The following PLCB1 variants were observed in gnomAD, a reference collection of about 807,000 sequenced individuals.
The protein encoded by PLCB1 is 1-phosphatidylinositol 4,5-bisphosphate phosphodiesterase beta-1.
Under a neutral mutation model 161.8 loss-of-function variants are expected in PLCB1, and 46 were observed. The observed-to-expected ratio is 0.28, with a 90% CI of 0.22 to 0.36. PLCB1 has a LOEUF of 0.36. PLCB1 is among the 10% of genes least tolerant of loss of function. PLCB1 has a pLI of 1.00. For synonymous variants in PLCB1, 517 were observed against 503.7 expected, an observed-to-expected ratio of 1.03 and a Z score of -0.35; for missense variants, 1,016 against 1,472.5, an observed-to-expected ratio of 0.69 and a Z score of 5.07.
intron 31 of PLCB1, among the ~76,000 whole-genome samples, chr20:8,869,995 G>A (rs1987558134): frequency 6.6e-6 from 1 of 152,224 alleles, no homozygotes; most frequent in African/African-American, 2.4e-5. Context: ...CTAAGTAAGG[G>A]CTTTTTTAAG....
chr20:8,423,416 AG>A (rs915389359), intron 3 of PLCB1, among the ~76,000 whole-genome samples: 2 of 152,164 alleles, frequency 1.3e-5, no homozygotes, highest in Non-Finnish European at 2.9e-5. Flanking sequence ...CTGTGTGCTG[AG>A]TGGTACGTAA....
chr20:8,439,629 A>G (rs1237617770), intron 3 of PLCB1, among the ~76,000 whole-genome samples: 1 of 152,194 alleles, frequency 6.6e-6, no homozygotes, highest in Non-Finnish European at 1.5e-5. Flanking sequence ...AGATATTTAG[A>G]TAGATTATAC....
At chr20:8,605,407 A>T (rs1187700710) in intron 3 of PLCB1, among the ~76,000 whole-genome samples, 2 of 152,084 alleles carry the variant, frequency 1.3e-5, no homozygotes, top group African/African-American at 4.8e-5. Flanking sequence ...CCCTTAATTG[A>T]ACACACTTAA....
intron 2 of PLCB1, among the ~76,000 whole-genome samples, chr20:8,325,960 A>G (rs1600316694): frequency 1.3e-5 from 2 of 152,334 alleles, no homozygotes; most frequent in South Asian, 4.2e-4. Flanking sequence ...GTTTCCAGGG[A>G]ACAAAACATT....
At chr20:8,479,999 G>A (rs538992144) in intron 3 of PLCB1, among the ~76,000 whole-genome samples, 3 of 152,088 alleles carry the variant, frequency 2.0e-5, no homozygotes, top group African/African-American at 4.8e-5. Flanking sequence ...TCTAGGTATC[G>A]GTTTCTAAAG....
At chr20:8,325,456 T>A (rs1460108971) in intron 2 of PLCB1, among the ~76,000 whole-genome samples, 1 of 152,190 alleles carries the variant, frequency 6.6e-6, no homozygotes, top group Non-Finnish European at 1.5e-5. Context: ...CCTACTATGA[T>A]GGGAATCCTC....
chr20:8,341,445 C>T (rs1473145691), intron 2 of PLCB1, among the ~76,000 whole-genome samples: 1 of 152,154 alleles, frequency 6.6e-6, no homozygotes, highest in Non-Finnish European at 1.5e-5. Flanking sequence ...CTTTATATGC[C>T]TGATGGGCCT....
At chr20:8,660,159 T>A (rs1207206021) in intron 9 of PLCB1, among the ~76,000 whole-genome samples, 1 of 152,106 alleles carries the variant, frequency 6.6e-6, no homozygotes, top group African/African-American at 2.4e-5. Context: ...TTTTCACTGA[T>A]GCTGTGAAGG....
rs3031852 is a variant in PLCB1, at chr20:8,417,073, A to ATT, written c.246+45653_246+45654dup. Among the ~76,000 whole-genome samples, 41 of 39,882 alleles carry ATT rather than the reference A, an allele frequency of 1.0e-3. 2 individuals carry two copies. The highest frequency in any genetic ancestry group is 1.2e-3 in the Non-Finnish European group (29 of 23,950). 26.2% of individuals were successfully genotyped at this position (39,882 alleles called of 152,430 possible). Reference sequence around the variant, plus strand: ...CACACACATATATATATATATATATATTTTTTTTTTTTTTTTTTTTTTTTT... The same window carrying ATT: ...CACACACATATATATATATATATATATTTTTTTTTTTTTTTTTTTTTTTTTTT... On this transcript the variant is annotated intron_variant, in intron 3 of 31. Transcript: ENST00000338037.
chr20:8,427,414 A>T (rs1194884357), intron 3 of PLCB1, among the ~76,000 whole-genome samples: 2 of 152,190 alleles, frequency 1.3e-5, no homozygotes, highest in Admixed American at 1.3e-4. Flanking sequence ...AGTGAGTTAA[A>T]AATACAGACA....
intron 3 of PLCB1, among the ~76,000 whole-genome samples, chr20:8,570,747 G>C (rs1986481958): frequency 6.6e-6 from 1 of 152,184 alleles, no homozygotes; most frequent in African/African-American, 2.4e-5. Context: ...ATGAGTTCAT[G>C]ATCAGGAAAA....
rs558931701 is a variant in PLCB1, at chr20:8,202,328, C to T, written c.177+51957C>T. ...TGGCTTCAAGTGATCCGCTTACCTCCGCCTCCCAAAGTGCTGGATTACAGG... is the reference window on the plus strand; with the variant it reads ...TGGCTTCAAGTGATCCGCTTACCTCTGCCTCCCAAAGTGCTGGATTACAGG... On this transcript the variant is annotated intron_variant, in intron 2 of 31. Transcript: ENST00000338037. Among the ~76,000 whole-genome samples, 9 of 152,338 alleles carry T rather than the reference C, an allele frequency of 5.9e-5. No homozygotes were observed. The East Asian group carries it at 1.2e-3, about 20-fold the overall frequency.
intron 18 of PLCB1, among the ~76,000 whole-genome samples, chr20:8,730,838 A>T (rs1980201801): frequency 6.6e-6 from 1 of 151,570 alleles, no homozygotes; most frequent in Non-Finnish European, 1.5e-5. Context: ...TTTATATTAT[A>T]TTTTTAACAG....
In PLCB1 at chr20:8,671,018, T is replaced by C. The variant is rs114328351; in HGVS notation, c.862+12314T>C. ...GGTATTATTGCATTAAGAGTGAAGA[T>C]TGAGCAATGATGAATGGATTCTCAA... On this transcript the variant is annotated intron_variant, in intron 9 of 31. Transcript: ENST00000338037. Among the ~76,000 whole-genome samples, 1,007 of 152,264 alleles carry C rather than the reference T, an allele frequency of 6.6e-3. 11 individuals are homozygous for C. Among genetic ancestry groups the C allele is most frequent in the African/African-American group, 0.023 (954 of 41,534 alleles).
At position 8,750,841 on chromosome 20, in the gene PLCB1, G is replaced by A. The variant is rs779259135; in HGVS notation, c.2524-6205G>A. ...CATGATGAAATTATGAGACTCACCC[G>A]TAATACGCTGGAAAAACTGATGGCC... On this transcript the variant is annotated intron_variant, in intron 23 of 31. Coordinates refer to ENST00000338037, the MANE Select transcript of PLCB1 (RefSeq NM_015192.4). 1.2e-5 allele frequency: 16 copies of A among 1,364,856 alleles called. No individual in the cohort carries two copies. In the East Asian group the frequency reaches 2.3e-4, roughly 19 times the overall value. 84.5% of individuals were successfully genotyped at this position (1,364,856 alleles called of 1,614,324 possible). A position where few individuals can be genotyped will look rare whatever the true frequency, so the allele number is the denominator to read the frequency against.
rs1162791048 is a variant in PLCB1 at position 8,831,966 on chromosome 20, CTTT to C, written c.3423+41706_3423+41708del. Among the ~76,000 whole-genome samples the C allele has an allele frequency of 6.5e-4, 60 of 92,628 alleles. 12 individuals carry two copies. The highest frequency in any genetic ancestry group is 1.4e-3 in the African/African-American group (43 of 31,482). The allele number at this position is 92,628 out of a possible 152,430, so 60.8% of individuals were successfully genotyped here. On this transcript the variant is annotated intron_variant, in intron 31 of 31. Transcript: ENST00000338037. ...TCTTTCTTTCTTTCTTTCTTTCTTTCTTTCTTTCTTTCTTTCCTTCTTTCTTTC... is the reference window on the plus strand; with the variant it reads ...TCTTTCTTTCTTTCTTTCTTTCTTTCCTTTCTTTCTTTCCTTCTTTCTTTC...
At chr20:8,227,278 CAATA>C (rs904124980) in intron 2 of PLCB1, among the ~76,000 whole-genome samples, 8 of 152,110 alleles carry the variant, frequency 5.3e-5, no homozygotes, top group Non-Finnish European at 1.2e-4. Context: ...AAAGCAAAAA[CAATA>C]AATAAACTCT....
At chr20:8,439,666 G>T (rs1039633491) in intron 3 of PLCB1, among the ~76,000 whole-genome samples, 13 of 152,266 alleles carry the variant, frequency 8.5e-5, no homozygotes, top group Middle Eastern at 3.4e-3. Flanking sequence ...CATATGGACA[G>T]CAGGTCTGTA....
chr20:8,722,469 C>CAG, intron 15 of PLCB1, 48 bp downstream of exon 15: 2 of 1,372,810 alleles, frequency 1.5e-6, no homozygotes, highest in Non-Finnish European at 2.0e-6. Context: ...CCACCCTGTA[C>CAG]TCTCCTGGGT....
Sources: gnomAD v4.1 joint callset for allele counts (sites outside exome capture counted in the v4.1 genomes callset) on GRCh38, gnomAD v4.1.1 for gene constraint, MANE v1.5 for transcripts, NCBI Gene and HGNC (gene_info 2026-07-23, HGNC 2026-07-21) for gene names.